Variants in RCOR1 observed in about 807,000 individuals in gnomAD.
The protein encoded by RCOR1 is REST corepressor.
Under a neutral mutation model 64.0 loss-of-function variants are expected in RCOR1, and 12 were observed. That is an observed-to-expected ratio of 0.19 (90% CI 0.12 to 0.30). The LOEUF is 0.30. Among genes scored for constraint, RCOR1 ranks in the 10% least tolerant of loss-of-function variants. RCOR1 has a pLI of 1.00. For missense variants in RCOR1, 502 were observed against 621.2 expected (o/e 0.81, Z 2.04); for synonymous variants, 279 against 227.2 (o/e 1.23, Z -2.05).
Position 102,641,630 on chromosome 14 carries a change from GT to G in RCOR1, c.362-40258del, listed in dbSNP as rs917285514. ...AAAAAAAAATAATAATATTTATGCCGTTTTTTTGTACCAGCTACTATGATAG... is the reference window on the plus strand; with the variant it reads ...AAAAAAAAATAATAATATTTATGCCGTTTTTTGTACCAGCTACTATGATAG... On this transcript the variant is annotated intron_variant, in intron 2 of 11. Transcript: ENST00000262241. Among the ~76,000 whole-genome samples the G allele has an allele frequency of 8.5e-5, 13 of 152,076 alleles. No homozygotes were observed. The South Asian group carries it at 2.5e-3, about 29-fold the overall frequency.
intron 2 of RCOR1, among the ~76,000 whole-genome samples, chr14:102,634,611 T>C (rs897692919): frequency 3.3e-5 from 5 of 151,314 alleles, no homozygotes; most frequent in African/African-American, 9.7e-5. Context: ...CGTGTGTGTG[T>C]GTATGTATGT....
At chr14:102,662,055 C>T (rs1012770448) in intron 2 of RCOR1, among the ~76,000 whole-genome samples, 1 of 152,190 alleles carries the variant, frequency 6.6e-6, no homozygotes, top group Admixed American at 6.5e-5. Context: ...GCACTGTGCC[C>T]TGCCTATGAG....
chr14:102,676,676 G>A (rs1485727907), intron 2 of RCOR1, among the ~76,000 whole-genome samples: 5 of 112,900 alleles, frequency 4.4e-5, no homozygotes, highest in South Asian at 3.0e-4. Flanking sequence ...CTGGCTGGGC[G>A]GGGGGCTGAC....
At chr14:102,675,047 C>CA (rs761294133) in intron 2 of RCOR1, among the ~76,000 whole-genome samples, 3,936 of 61,796 alleles carry the variant, frequency 0.064, 232 homozygotes, top group African/African-American at 0.13. Flanking sequence ...GACTCCACCT[C>CA]AAAAAAAAAA....
intron 2 of RCOR1, among the ~76,000 whole-genome samples, chr14:102,636,481 A>G (rs1350159541): frequency 6.6e-6 from 1 of 151,838 alleles, no homozygotes; most frequent in South Asian, 2.1e-4. Context: ...GGGTTTCACT[A>G]TGTTGGCCAG....
chr14:102,685,002 C>T (rs1241664380), intron 3 of RCOR1, among the ~76,000 whole-genome samples: 2 of 151,626 alleles, frequency 1.3e-5, no homozygotes, highest in African/African-American at 4.8e-5. Flanking sequence ...TGATTTAGGA[C>T]ATATTTCTAG....
At chr14:102,664,354 G>A (rs998447367) in intron 2 of RCOR1, among the ~76,000 whole-genome samples, 3 of 151,938 alleles carry the variant, frequency 2.0e-5, no homozygotes, top group Non-Finnish European at 4.4e-5. Context: ...ACCTCAAATC[G>A]TCTACCCGCC....
chr14:102,613,882 ATTCTTTTT>A (rs1200063889), intron 2 of RCOR1, among the ~76,000 whole-genome samples: 14 of 92,416 alleles, frequency 1.5e-4, no homozygotes, highest in African/African-American at 5.2e-4. Flanking sequence ...TGAATTAACT[ATTCTTTTT>A]TTTTTTTTTT....
intron 2 of RCOR1, among the ~76,000 whole-genome samples, chr14:102,618,974 G>A (rs994589874): frequency 1.8e-4 from 28 of 152,172 alleles, no homozygotes; most frequent in Admixed American, 5.2e-4. Flanking sequence ...ACTTGTTTGC[G>A]AAGTCAGGAG....
At chr14:102,700,688 C>T (rs970379705) in intron 3 of RCOR1, among the ~76,000 whole-genome samples, 3 of 152,212 alleles carry the variant, frequency 2.0e-5, no homozygotes, top group Non-Finnish European at 4.4e-5. Flanking sequence ...GACTCATAAT[C>T]TCATCACCAG....
chr14:102,615,529 A>T (rs1379995590), intron 2 of RCOR1, among the ~76,000 whole-genome samples: 1 of 147,232 alleles, frequency 6.8e-6, no homozygotes, highest in East Asian at 2.0e-4. Flanking sequence ...GCTCACCGCA[A>T]CCTCCACCTC....
intron 8 of RCOR1, among the ~76,000 whole-genome samples, chr14:102,718,232 A>G (rs529730393): frequency 6.6e-6 from 1 of 152,168 alleles, no homozygotes; most frequent in African/African-American, 2.4e-5. Flanking sequence ...GTTGGAAGCT[A>G]CTGGAGCCAT....
chr14:102,717,993 C>T (rs887283373), intron 8 of RCOR1, among the ~76,000 whole-genome samples: 9 of 152,040 alleles, frequency 5.9e-5, no homozygotes, highest in African/African-American at 1.7e-4. Context: ...TTCTGGAGGC[C>T]GCCATGTTTG....
At chr14:102,721,536 G>A in intron 10 of RCOR1, 159 bp downstream of exon 10, 2 of 439,212 alleles carry the variant, frequency 4.6e-6, no homozygotes, top group Non-Finnish European at 8.2e-6. Context: ...GGACAACAGA[G>A]GGAGACCCTG....
intron 2 of RCOR1, among the ~76,000 whole-genome samples, chr14:102,632,664 CTT>C (rs1410024620): frequency 3.4e-5 from 2 of 59,628 alleles, no homozygotes; most frequent in South Asian, 1.5e-3. Flanking sequence ...CTTTCCTTTC[CTT>C]TCCTTTCCTT....
At chr14:102,600,327 G>T (rs536181206) in intron 2 of RCOR1, among the ~76,000 whole-genome samples, 1 of 151,858 alleles carries the variant, frequency 6.6e-6, no homozygotes, top group East Asian at 1.9e-4. Context: ...CGCCCACCTC[G>T]GCCTCCCAAA....
At chr14:102,655,481 T>C in intron 2 of RCOR1, 1 of 980,410 alleles carries the variant, frequency 1.0e-6, no homozygotes, top group Non-Finnish European at 1.2e-6. Flanking sequence ...TTTTCCTATG[T>C]TTTTTATAGT....
intron 2 of RCOR1, among the ~76,000 whole-genome samples, chr14:102,647,754 T>G (rs12892602): frequency 6.6e-6 from 1 of 151,628 alleles, no homozygotes; most frequent in South Asian, 2.1e-4. Flanking sequence ...TCTCCACTCA[T>G]TGCAGCCTCC....
intron 2 of RCOR1, among the ~76,000 whole-genome samples, chr14:102,643,091 G>C (rs553703010): frequency 0.012 from 1,875 of 152,272 alleles, 40 homozygotes; most frequent in African/African-American, 0.043. Flanking sequence ...GACCATCCTG[G>C]CTAACACGGT....
Sources: gnomAD v4.1 joint callset for allele counts (sites outside exome capture counted in the v4.1 genomes callset) on GRCh38, gnomAD v4.1.1 for gene constraint, MANE v1.5 for transcripts, NCBI Gene and HGNC (gene_info 2026-07-23, HGNC 2026-07-21) for gene names.